Variants in NAV3 observed in about 807,000 individuals in gnomAD.
The protein encoded by NAV3 is neuron navigator 3.
In NAV3, 87 loss-of-function variants were observed where a neutral mutation model predicts 244.7. The ratio of observed to expected loss-of-function variants is 0.36; its 90% confidence interval spans 0.30 to 0.42. The LOEUF (loss-of-function observed/expected upper bound fraction) is 0.42, where lower values mean the gene tolerates loss of function less well. Ranked by LOEUF, NAV3 falls within the 20% of genes least tolerant of loss-of-function variation. NAV3 has a pLI of 1.00. For missense variants in NAV3, 2,663 were observed against 2,893.3 expected (o/e 0.92, Z 1.83); for synonymous variants, 1,126 against 1,042.2 (o/e 1.08, Z -1.55).
At chr12:78,004,601 A>G (rs897171193) in intron 7 of NAV3, among the ~76,000 whole-genome samples, 1 of 152,214 alleles carries the variant, frequency 6.6e-6, no homozygotes, top group Non-Finnish European at 1.5e-5. Context: ...AATGGCAACG[A>G]TTATAATTTG....
intron 9 of NAV3, among the ~76,000 whole-genome samples, chr12:78,042,027 T>C (rs898014596): frequency 4.6e-5 from 7 of 152,280 alleles, no homozygotes; most frequent in African/African-American, 1.7e-4. Context: ...TCTCCTTCCC[T>C]GTCCCTCTCT....
At chr12:78,199,678 GTTC>G in intron 37 of NAV3, 147 bp downstream of exon 37, 2 of 549,668 alleles carry the variant, frequency 3.6e-6, no homozygotes, top group Non-Finnish European at 6.0e-6. Context: ...GAAAGTTTGC[GTTC>G]TTCTTCTTTG....
chr12:77,839,280 A>G (rs1875201066), intron 1 of NAV3, among the ~76,000 whole-genome samples: 1 of 152,226 alleles, frequency 6.6e-6, no homozygotes, highest in South Asian at 2.1e-4. Flanking sequence ...TTACTAACTT[A>G]AATCATAGTA....
At chr12:77,716,684 T>C (rs1472852042) in intron 2 of NAV3, among the ~76,000 whole-genome samples, 1 of 152,014 alleles carries the variant, frequency 6.6e-6, no homozygotes, top group Non-Finnish European at 1.5e-5. Context: ...TCCCAATTAT[T>C]CTCTTGGATT....
intron 2 of NAV3, among the ~76,000 whole-genome samples, chr12:77,736,778 A>C (rs1009597633): frequency 6.6e-6 from 1 of 152,214 alleles, no homozygotes; most frequent in African/African-American, 2.4e-5. Context: ...CTTAGGGGGC[A>C]CTATATGTCA....
intron 30 of NAV3, among the ~76,000 whole-genome samples, chr12:78,184,946 T>C (rs543683296): frequency 6.6e-6 from 1 of 151,966 alleles, no homozygotes; most frequent in Non-Finnish European, 1.5e-5. Context: ...ATTTAAAGGC[T>C]GATATTTTAA....
At chr12:77,769,636 T>C (rs1044259585) in intron 2 of NAV3, among the ~76,000 whole-genome samples, 5 of 152,348 alleles carry the variant, frequency 3.3e-5, no homozygotes, top group African/African-American at 9.6e-5. Context: ...ACTTGAGTCA[T>C]TAAAATAATT....
At chr12:77,801,199 C>A (rs780103225) in intron 2 of NAV3, among the ~76,000 whole-genome samples, 1 of 152,062 alleles carries the variant, frequency 6.6e-6, no homozygotes, top group African/African-American at 2.4e-5. Flanking sequence ...AGGACAGCAA[C>A]CTGGCAGAGT....
chr12:77,582,834 T>C (rs1869429938), intron 2 of NAV3, among the ~76,000 whole-genome samples: 1 of 152,210 alleles, frequency 6.6e-6, no homozygotes, highest in Non-Finnish European at 1.5e-5. Flanking sequence ...CCGGGGCCTG[T>C]CACAGAGGTG....
intron 1 of NAV3, among the ~76,000 whole-genome samples, chr12:77,881,869 G>A (rs374288424): frequency 6.6e-6 from 1 of 152,092 alleles, no homozygotes; most frequent in Non-Finnish European, 1.5e-5. Flanking sequence ...AGCTAACCAA[G>A]GTGGTGAACG....
At chr12:78,109,863 G>C (rs1032237605) in intron 12 of NAV3, among the ~76,000 whole-genome samples, 1 of 151,912 alleles carries the variant, frequency 6.6e-6, no homozygotes, top group African/African-American at 2.4e-5. Context: ...AAAGTTTAAA[G>C]ACTTTCCTCT....
At chr12:77,707,722 G>A (rs150533606) in intron 2 of NAV3, among the ~76,000 whole-genome samples, 1 of 152,094 alleles carries the variant, frequency 6.6e-6, no homozygotes, top group East Asian at 1.9e-4. Context: ...CTCCAGCACC[G>A]GTTGTTTCCT....
At chr12:77,933,008 T>G (rs1448402599) in intron 1 of NAV3, among the ~76,000 whole-genome samples, 1 of 152,236 alleles carries the variant, frequency 6.6e-6, no homozygotes, top group Middle Eastern at 3.2e-3. Flanking sequence ...TTATGTGTCA[T>G]TTCTCAATCA....
chr12:77,592,081 A>G (rs1400831562), intron 2 of NAV3, among the ~76,000 whole-genome samples: 2 of 152,198 alleles, frequency 1.3e-5, no homozygotes, highest in Non-Finnish European at 2.9e-5. Context: ...TCTGACTCCA[A>G]AACCAGCTTT....
chr12:77,994,941 T>C (rs1872106494), intron 6 of NAV3, 70 bp downstream of exon 6: 1 of 1,188,520 alleles, frequency 8.4e-7, no homozygotes, highest in South Asian at 1.4e-5. Context: ...TATTTTGTCC[T>C]ATCTTTTTTT....
chr12:77,769,330 C>A (rs1041075108), intron 2 of NAV3, among the ~76,000 whole-genome samples: 2 of 152,110 alleles, frequency 1.3e-5, no homozygotes, highest in African/African-American at 2.4e-5. Flanking sequence ...TCTAGTATAA[C>A]CTTAGACATA....
intron 3 of NAV3, chr12:77,950,459 T>C (rs1207620953): frequency 1.3e-5 from 2 of 152,138 alleles, no homozygotes; most frequent in African/African-American, 2.4e-5. Flanking sequence ...AGTATATCTG[T>C]TTTGGTGAGG....
At chr12:77,940,603 C>A (rs1889774218) in intron 2 of NAV3, among the ~76,000 whole-genome samples, 167 bp downstream of exon 2, 1 of 152,198 alleles carries the variant, frequency 6.6e-6, no homozygotes, top group African/African-American at 2.4e-5. Context: ...TTGAAAAAGG[C>A]AGTTTGGCCA....
intron 1 of NAV3, among the ~76,000 whole-genome samples, chr12:77,929,912 G>A (rs540305055): frequency 1.3e-5 from 2 of 149,988 alleles, no homozygotes; most frequent in East Asian, 4.0e-4. Flanking sequence ...GCCTCCCAAA[G>A]TGCTGGGATT....
Sources: allele counts gnomAD v4.1 joint callset (sites outside exome capture counted in the v4.1 genomes callset), GRCh38; gene constraint gnomAD v4.1.1; transcripts MANE v1.5; gene names NCBI Gene and HGNC (gene_info 2026-07-23, HGNC 2026-07-21).